The following PAQR5 variants were observed in gnomAD, a reference collection of about 807,000 sequenced individuals.
The protein encoded by PAQR5 is progestin and adipoQ receptor family member 5.
A neutral mutation model predicts 34.5 loss-of-function variants in PAQR5; 20 were observed. That is an observed-to-expected ratio of 0.58 (90% CI 0.41 to 0.84). The LOEUF (loss-of-function observed/expected upper bound fraction) is 0.84. PAQR5 is among the 40% of genes least tolerant of loss of function. The pLI, the probability that PAQR5 is intolerant of heterozygous loss-of-function variation, is 0.00. For missense variants in PAQR5, 378 were observed against 412.7 expected (o/e 0.92, Z 0.73); for synonymous variants, 131 against 155.6 (o/e 0.84, Z 1.18).
chr15:69,404,903 A>G lies in PAQR5; in HGVS notation c.*1081A>G, dbSNP rs1428945111. ...GTTTTGTAGAGGAGATCTGCACTGG[A>G]GCAAGTCTCCCAGATGATTCTAATA... On this transcript the variant is annotated 3_prime_UTR_variant, in exon 9 of 9. Coordinates refer to ENST00000395407, the MANE Select transcript of PAQR5 (RefSeq NM_017705.4). The G allele has an allele frequency of 2.5e-6, 1 of 398,422 alleles. No homozygotes were observed. The highest frequency in any genetic ancestry group is 2.1e-5 in the African/African-American group (1 of 48,620). 24.7% of individuals were successfully genotyped at this position (398,422 alleles called of 1,614,324 possible).
intron 3 of PAQR5, among the ~76,000 whole-genome samples, chr15:69,373,203 G>T (rs948451776): frequency 1.3e-5 from 2 of 152,070 alleles, no homozygotes; most frequent in African/African-American, 4.8e-5. Context: ...GGTAAACAGA[G>T]AATCTCCCTA....
intron 3 of PAQR5, among the ~76,000 whole-genome samples, chr15:69,378,499 A>AT (rs990860887): frequency 1.7e-4 from 25 of 150,632 alleles, no homozygotes; most frequent in African/African-American, 2.7e-4. Flanking sequence ...TATATTGTAC[A>AT]TTTTTTTAAC....
intron 4 of PAQR5, chr15:69,382,797 T>TGC (rs1172696828): frequency 3.9e-4 from 1 of 2,578 alleles, no homozygotes; most frequent in Non-Finnish European, 1.0e-3. Flanking sequence ...TATATATATA[T>TGC]GACCATATAT....
intron 2 of PAQR5, among the ~76,000 whole-genome samples, chr15:69,354,796 A>G (rs12439081): frequency 0.95 from 144,286 of 152,244 alleles, 68,871 homozygotes; most frequent in South Asian, 1. Context: ...GGGAAGATCC[A>G]CCCTCAGTGT....
At chr15:69,325,585 CTGAATGAATGAA>C (rs67697746) in intron 1 of PAQR5, among the ~76,000 whole-genome samples, 83 of 150,328 alleles carry the variant, frequency 5.5e-4, no homozygotes, top group South Asian at 3.4e-3. Flanking sequence ...GAAATGTGTG[CTGAATGAATGAA>C]TGAATGAATG....
chr15:69,315,535 CACCTTCTTACCCAGCCTT>C lies in PAQR5; in HGVS notation c.-277+16491_-277+16508del, dbSNP rs528244905. Among the ~76,000 whole-genome samples, 72 of 152,208 alleles carry C rather than the reference CACCTTCTTACCCAGCCTT, an allele frequency of 4.7e-4. 1 individual carries two copies. In the South Asian group the frequency reaches 0.014, roughly 30 times the overall value. The stretch of plus-strand genomic sequence containing the variant: ...CACACTGCAGAGGTGACCACTTTTC[CACCTTCTTACCCAGCCTT>C]ACCTTCTTACCACAGCCAGCCCTGG... On this transcript the variant is annotated intron_variant, in intron 1 of 8. Transcript: ENST00000395407.
chr15:69,384,940 T>C (rs2140940736), intron 5 of PAQR5, 58 bp downstream of exon 5: 1 of 1,304,404 alleles, frequency 7.7e-7, no homozygotes, highest in African/African-American at 1.4e-5. Context: ...TTGCCCCTTC[T>C]CCTGTGAGCT....
At chr15:69,374,438 G>T (rs2055648617) in intron 3 of PAQR5, among the ~76,000 whole-genome samples, 2 of 152,150 alleles carry the variant, frequency 1.3e-5, no homozygotes, top group South Asian at 4.1e-4. Context: ...CATTTTGGGA[G>T]GCCAAGGCTG....
rs1321697815 is a variant in PAQR5 at position 69,379,887 on chromosome 15, T to C, written c.56T>C (p.Phe19Ser). ...LFSIDQIPQV[F>S]HEQGILFGYR... ...CCTTTTCCTTTGCCTCTGCAGGTGT[T>C]CCATGAGCAAGGCATCCTGTTCGGC... Residue 19 changes from phenylalanine (F) to serine (S), a missense_variant, in exon 4 of 9, where the codon TTC (phenylalanine) becomes TCC (serine). Transcript: ENST00000395407. The C allele has an allele frequency of 6.2e-7, 1 of 1,613,800 alleles. No homozygotes were observed. The highest frequency in any genetic ancestry group is 1.7e-5 in the Admixed American group (1 of 60,028).
intron 2 of PAQR5, among the ~76,000 whole-genome samples, chr15:69,350,798 G>T (rs1428318011): frequency 2.0e-5 from 3 of 152,054 alleles, no homozygotes; most frequent in Non-Finnish European, 2.9e-5. Context: ...GGGGAGGCTG[G>T]GTTCCCTCAG....
chr15:69,314,750 G>A (rs2053908075), intron 1 of PAQR5: 1 of 152,360 alleles, frequency 6.6e-6, no homozygotes, highest in African/African-American at 2.4e-5. Context: ...TTGTCCCAAG[G>A]CCTCAGATTT....
chr15:69,347,724 G>A (rs986186001), intron 2 of PAQR5, among the ~76,000 whole-genome samples: 6 of 152,068 alleles, frequency 3.9e-5, no homozygotes, highest in African/African-American at 7.3e-5. Context: ...CAGTAGATTC[G>A]GTGCTTTTGG....
intron 6 of PAQR5, among the ~76,000 whole-genome samples, chr15:69,393,276 A>T (rs1389662358): frequency 6.7e-6 from 1 of 149,498 alleles, no homozygotes; most frequent in African/African-American, 2.5e-5. Flanking sequence ...CCCTCTCTTC[A>T]TTCCCTGTCT....
chr15:69,339,989 C>T (rs1434339464), intron 2 of PAQR5, among the ~76,000 whole-genome samples: 1 of 152,230 alleles, frequency 6.6e-6, no homozygotes, highest in Non-Finnish European at 1.5e-5. Flanking sequence ...ACCTCAGCCT[C>T]CTGAGTAGCT....
At chr15:69,339,764 A>G (rs909742187) in intron 2 of PAQR5, among the ~76,000 whole-genome samples, 2 of 146,966 alleles carry the variant, frequency 1.4e-5, no homozygotes, top group Admixed American at 6.7e-5. Flanking sequence ...TGAGCCATTG[A>G]GCCCGGCCCC....
rs1356440671 is a variant in PAQR5 at position 69,319,182 on chromosome 15, T to TAAATATATAC, written c.-276-18158_-276-18157insAATATATACA. ...ACATATATATATATATATATATATATATATATATATATATATATATATATA... is the reference window on the plus strand; with the variant it reads ...ACATATATATATATATATATATATATAAATATATACATATATATATATATATATATATATA... On this transcript the variant is annotated intron_variant, in intron 1 of 8. Transcript: ENST00000395407. Among the ~76,000 whole-genome samples the TAAATATATAC allele has an allele frequency of 1.1e-3, 6 of 5,270 alleles. No homozygotes were observed. The Non-Finnish European group carries it at 0.015, about 14-fold the overall frequency. 3.5% of individuals were successfully genotyped at this position (5,270 alleles called of 152,430 possible).
intron 3 of PAQR5, among the ~76,000 whole-genome samples, chr15:69,362,621 T>A (rs2140852969): frequency 6.6e-6 from 1 of 152,302 alleles, no homozygotes. Context: ...TTGGCTTCTG[T>A]AAAATGGGAA....
intron 1 of PAQR5, among the ~76,000 whole-genome samples, chr15:69,304,486 T>G (rs928999303): frequency 1.3e-5 from 2 of 152,154 alleles, no homozygotes; most frequent in Admixed American, 6.5e-5. Flanking sequence ...AGGATGGCAG[T>G]GAGGATCCAG....
rs2140913865 is a variant in PAQR5 at position 69,379,400 on chromosome 15, A to G, written c.52-483A>G. The G allele has an allele frequency of 3.0e-6, 3 of 984,842 alleles. No individual in the cohort carries two copies. In the South Asian group the frequency reaches 1.4e-4, roughly 46 times the overall value. 61.0% of individuals were successfully genotyped at this position (984,842 alleles called of 1,614,324 possible). On this transcript the variant is annotated intron_variant, in intron 3 of 8. Coordinates refer to ENST00000395407, the MANE Select transcript of PAQR5 (RefSeq NM_017705.4). ...TCAGCATCGTGGTCCTCATCATCAA[A>G]AGCCCTTTATGAAGCACCTTGGTGA...
Sources: gnomAD v4.1 joint callset for allele counts (sites outside exome capture counted in the v4.1 genomes callset) on GRCh38, gnomAD v4.1.1 for gene constraint, MANE v1.5 for transcripts, NCBI Gene and HGNC (gene_info 2026-07-23, HGNC 2026-07-21) for gene names.